The following AUTS2 variants were observed in gnomAD, a reference collection of about 807,000 sequenced individuals.
AUTS2 encodes the protein activator of transcription and developmental regulator AUTS2.
Under a neutral mutation model 112.4 loss-of-function variants are expected in AUTS2, and 17 were observed. The ratio of observed to expected loss-of-function variants is 0.15; its 90% CI spans 0.10 to 0.23. AUTS2 has a LOEUF of 0.23. Among genes scored for constraint, AUTS2 ranks in the 10% least tolerant of loss-of-function variants. The pLI is 1.00. For synonymous variants in AUTS2, 751 were observed against 702.7 expected (o/e 1.07, Z -1.09); for missense variants, 1,510 against 1,701.6 (o/e 0.89, Z 1.98).
chr7:70,494,654 C>CT (rs1478472457), intron 5 of AUTS2, among the ~76,000 whole-genome samples: 1 of 152,048 alleles, frequency 6.6e-6, no homozygotes, highest in African/African-American at 2.4e-5. Flanking sequence ...CTCCACTCCA[C>CT]TTAAGAGAAC....
intron 4 of AUTS2, among the ~76,000 whole-genome samples, chr7:70,212,477 A>G (rs1175655422): frequency 1.3e-5 from 2 of 152,204 alleles, no homozygotes; most frequent in Non-Finnish European, 2.9e-5. Context: ...CAGACAACAT[A>G]TGGCCATGTG....
At chr7:69,876,193 C>T (rs1464107054) in intron 1 of AUTS2, among the ~76,000 whole-genome samples, 1 of 149,644 alleles carries the variant, frequency 6.7e-6, no homozygotes, top group Admixed American at 6.7e-5. Context: ...GGTGAAACCC[C>T]GTCTCTACTA....
chr7:69,626,597 T>G (rs1033492427), intron 1 of AUTS2, among the ~76,000 whole-genome samples: 1 of 152,196 alleles, frequency 6.6e-6, no homozygotes, highest in African/African-American at 2.4e-5. Flanking sequence ...GTTTATTATA[T>G]AAATCATATG....
chr7:70,572,311 C>T lies in AUTS2; in HGVS notation c.691-126258C>T, dbSNP rs80089041. 4.8e-3 allele frequency among the ~76,000 whole-genome samples: 738 copies of T among 152,192 alleles called. 8 individuals are homozygous for T. The highest frequency in any genetic ancestry group is 0.048 in the Middle Eastern group (14 of 294). On this transcript the variant is annotated intron_variant, in intron 5 of 18. Transcript: ENST00000342771. ...TGTTTTAGGAGGGGAAATACAGGGT[C>T]ACCTTTGTGGACGGCAAATAGCCAG...
At chr7:70,026,885 A>G (rs1359139016) in intron 2 of AUTS2, among the ~76,000 whole-genome samples, 1 of 152,152 alleles carries the variant, frequency 6.6e-6, no homozygotes, top group Non-Finnish European at 1.5e-5. Flanking sequence ...ATTCGTGGTT[A>G]GTTTTACTGT....
At position 69,899,187 on chromosome 7, in the gene AUTS2, C is replaced by G. The variant is rs552358063; in HGVS notation, c.310-99C>G. ...ATCCCACTTTCCTATCCCTCTCCCA[C>G]TTAGTAGTAACACCCTTTAGTATTT... On this transcript the variant is annotated intron_variant, in intron 1 of 18. Transcript: ENST00000342771. 19 of 859,714 alleles carry G rather than the reference C, an allele frequency of 2.2e-5. 1 individual carries two copies. In the South Asian group the frequency reaches 3.0e-4, roughly 14 times the overall value. 53.3% of individuals were successfully genotyped at this position (859,714 alleles called of 1,614,324 possible).
chr7:69,750,896 G>T (rs1787711433), intron 1 of AUTS2, among the ~76,000 whole-genome samples: 1 of 152,000 alleles, frequency 6.6e-6, no homozygotes, highest in Non-Finnish European at 1.5e-5. Flanking sequence ...CGTGCTTCCA[G>T]ACCTAGAACT....
intron 4 of AUTS2, among the ~76,000 whole-genome samples, chr7:70,296,851 T>C (rs1788960654): frequency 6.6e-6 from 1 of 150,860 alleles, no homozygotes; most frequent in Non-Finnish European, 1.5e-5. Flanking sequence ...TTTTTTTTTT[T>C]TTTTTTTTGA....
intron 4 of AUTS2, among the ~76,000 whole-genome samples, chr7:70,363,783 C>T (rs574152759): frequency 1.9e-4 from 29 of 152,288 alleles, no homozygotes; most frequent in Non-Finnish European, 3.8e-4. Flanking sequence ...AACAATTCAG[C>T]TCAAATAACA....
chr7:70,764,128 G>C (rs1585648263), intron 7 of AUTS2, among the ~76,000 whole-genome samples: 2 of 152,258 alleles, frequency 1.3e-5, no homozygotes, highest in East Asian at 3.9e-4. Context: ...TTGAAAACCT[G>C]GTGGCTTTGG....
chr7:70,132,218 C>T (rs1421200050), intron 3 of AUTS2, among the ~76,000 whole-genome samples: 1 of 148,108 alleles, frequency 6.8e-6, no homozygotes. Flanking sequence ...ATGTGAATGG[C>T]TCCTGATACG....
intron 1 of AUTS2, among the ~76,000 whole-genome samples, chr7:69,783,814 A>C (rs1256988744): frequency 2.6e-5 from 4 of 152,092 alleles, no homozygotes; most frequent in Non-Finnish European, 5.9e-5. Flanking sequence ...ACTGTTTTTG[A>C]TCATTTGAAT....
Position 70,766,352 on chromosome 7 carries a change from A to T in AUTS2, c.1689+18A>T. Reference sequence around the variant, plus strand: ...CTCCCATGGTGCGTACCCCAGGCAGAAATGTGAGGATAAGTAGAGCACGAC... The same window carrying T: ...CTCCCATGGTGCGTACCCCAGGCAGTAATGTGAGGATAAGTAGAGCACGAC... On this transcript the variant is annotated intron_variant, in intron 9 of 18. Transcript: ENST00000342771. This position sits in a 1 kb window ranked among gnomAD's most constrained non-coding sequence, Gnocchi z 4.8. 6.2e-7 allele frequency: 1 copy of T among 1,613,450 alleles called. No individual in the cohort carries two copies. Among genetic ancestry groups the T allele is most frequent in the East Asian group, 2.2e-5 (1 of 44,860 alleles).
At chr7:69,950,135 C>G (rs1042179258) in intron 2 of AUTS2, among the ~76,000 whole-genome samples, 1 of 151,928 alleles carries the variant, frequency 6.6e-6, no homozygotes, top group African/African-American at 2.4e-5. Context: ...TCAAAAATTG[C>G]CAGTTATATT....
At chr7:70,621,956 C>T (rs546038196) in intron 5 of AUTS2, among the ~76,000 whole-genome samples, 4 of 140,776 alleles carry the variant, frequency 2.8e-5, no homozygotes, top group South Asian at 2.4e-4. Flanking sequence ...AAGCAGTTCT[C>T]CTGCCTCAGC....
At chr7:69,686,221 G>A (rs1204114800) in intron 1 of AUTS2, among the ~76,000 whole-genome samples, 1 of 152,182 alleles carries the variant, frequency 6.6e-6, no homozygotes, top group African/African-American at 2.4e-5. Context: ...AACAGGAGCT[G>A]ATATTTGAAT....
intron 2 of AUTS2, among the ~76,000 whole-genome samples, chr7:69,988,849 A>G (rs903773703): frequency 6.6e-6 from 1 of 152,154 alleles, no homozygotes; most frequent in Non-Finnish European, 1.5e-5. Context: ...TAGGTCAGTG[A>G]TTTGACAACT....
At chr7:70,009,489 T>G (rs1799699436) in intron 2 of AUTS2, among the ~76,000 whole-genome samples, 1 of 152,210 alleles carries the variant, frequency 6.6e-6, no homozygotes, top group Non-Finnish European at 1.5e-5. Flanking sequence ...GCTGTATTCT[T>G]TTGCCATTGC....
intron 4 of AUTS2, among the ~76,000 whole-genome samples, chr7:70,247,681 T>A (rs1176227469): frequency 6.6e-6 from 1 of 152,202 alleles, no homozygotes; most frequent in Admixed American, 6.5e-5. Flanking sequence ...TTTCTGTATA[T>A]GCAGTAATGT....
Sources: gnomAD v4.1 joint callset for allele counts (sites outside exome capture counted in the v4.1 genomes callset) on GRCh38, gnomAD v4.1.1 for gene constraint, Gnocchi (gnomAD v3.1) non-coding constraint, MANE v1.5 for transcripts, NCBI Gene and HGNC (gene_info 2026-07-23, HGNC 2026-07-21) for gene names.